The following LANCL3 variants were observed in gnomAD, a reference collection of about 807,000 sequenced individuals.
LANCL3 encodes LanC like family member 3, also known as lanC-like protein 3.
Under a neutral mutation model 26.5 loss-of-function variants are expected in LANCL3, and 19 were observed. The observed-to-expected ratio is 0.72, with a 90% CI of 0.50 to 1.05. The LOEUF (loss-of-function observed/expected upper bound fraction) is 1.05. LANCL3 is among the 50% of genes least tolerant of loss of function. The pLI is 0.00. For missense variants in LANCL3, 318 were observed against 362.7 expected (o/e 0.88, Z 1.00); for synonymous variants, 160 against 166.6 (o/e 0.96, Z 0.30).
At chrX:37,623,547 G>C (rs941525848) in intron 1 of LANCL3, among the ~76,000 whole-genome samples, 1 of 111,928 alleles carries the variant, frequency 8.9e-6, no homozygotes, top group Non-Finnish European at 1.9e-5. Flanking sequence ...TCTTTTAAAA[G>C]CATTGATTTT....
intron 1 of LANCL3, among the ~76,000 whole-genome samples, chrX:37,593,723 A>G (rs781938983): frequency 2.9e-4 from 33 of 112,048 alleles, no homozygotes; most frequent in Non-Finnish European, 4.1e-4. Context: ...GCCATTATTT[A>G]TACACAGTTT....
At chrX:37,629,991 T>G (rs1445360366) in intron 1 of LANCL3, among the ~76,000 whole-genome samples, 2 of 111,387 alleles carry the variant, frequency 1.8e-5, no homozygotes, top group Non-Finnish European at 3.8e-5. Context: ...GTGAAGAAAG[T>G]CATTGGTAGC....
intron 1 of LANCL3, among the ~76,000 whole-genome samples, chrX:37,649,427 A>G (rs1406065856): frequency 1.8e-5 from 2 of 110,323 alleles, no homozygotes; most frequent in South Asian, 4.0e-4. Context: ...ACACAGGGAG[A>G]GGAACAACAC....
chrX:37,588,183 C>T (rs1399886312), intron 1 of LANCL3, among the ~76,000 whole-genome samples: 1 of 111,664 alleles, frequency 9.0e-6, no homozygotes, highest in Non-Finnish European at 1.9e-5. Flanking sequence ...TACACTTTTG[C>T]TGGTTAATTT....
intron 1 of LANCL3, among the ~76,000 whole-genome samples, chrX:37,598,434 G>A (rs1485799971): frequency 8.9e-6 from 1 of 111,782 alleles, no homozygotes; most frequent in Non-Finnish European, 1.9e-5. Flanking sequence ...GTGTGCAACC[G>A]AGGTAGAGCA....
intron 1 of LANCL3, among the ~76,000 whole-genome samples, chrX:37,642,933 C>T (rs1053249747): frequency 1.8e-5 from 2 of 112,203 alleles, no homozygotes; most frequent in Non-Finnish European, 3.8e-5. Context: ...ACTATTCATC[C>T]CTATATTTCT....
intron 1 of LANCL3, among the ~76,000 whole-genome samples, chrX:37,587,965 G>T (rs1489445158): frequency 1.8e-5 from 2 of 112,331 alleles, no homozygotes; most frequent in Non-Finnish European, 3.8e-5. Context: ...TATTTAAAGA[G>T]AACATAGTTC....
chrX:37,587,166 CAG>C (rs1341869630), intron 1 of LANCL3, among the ~76,000 whole-genome samples: 1 of 112,551 alleles, frequency 8.9e-6, no homozygotes, highest in Non-Finnish European at 1.9e-5. Context: ...GGTTTCATCT[CAG>C]AGGGGTACCC....
intron 1 of LANCL3, among the ~76,000 whole-genome samples, chrX:37,639,741 G>C (rs782800969): frequency 9.0e-6 from 1 of 111,591 alleles, no homozygotes; most frequent in Admixed American, 9.5e-5. Flanking sequence ...AGCATCACAC[G>C]TGGAGCTTTT....
chrX:37,635,458 C>T (rs1423279303), intron 1 of LANCL3, among the ~76,000 whole-genome samples: 1 of 111,311 alleles, frequency 9.0e-6, no homozygotes, highest in East Asian at 2.8e-4. Context: ...AACATGTTCT[C>T]CCCCCAAATT....
intron 4 of LANCL3, 128 bp downstream of exon 4, chrX:37,667,617 G>T: frequency 2.3e-6 from 1 of 437,471 alleles, no homozygotes; most frequent in Non-Finnish European, 3.6e-6. Context: ...TTGTAGCCAT[G>T]CAGTTGACTT....
chrX:37,598,736 T>A (rs188513602), intron 1 of LANCL3, among the ~76,000 whole-genome samples: 1 of 112,590 alleles, frequency 8.9e-6, no homozygotes, highest in East Asian at 2.8e-4. Flanking sequence ...CAGTCCTGAA[T>A]CACTTCTTCC....
At chrX:37,671,435 C>A (rs5963220) in intron 4 of LANCL3, among the ~76,000 whole-genome samples, 18,731 of 110,877 alleles carry the variant, frequency 0.17, 1,126 homozygotes, top group South Asian at 0.19. Context: ...TAGATTATAA[C>A]ACTTCTCTGT....
chrX:37,635,906 C>A (rs1925693275), intron 1 of LANCL3, among the ~76,000 whole-genome samples: 1 of 110,465 alleles, frequency 9.1e-6, no homozygotes, highest in African/African-American at 3.3e-5. Context: ...TTTCATCACC[C>A]AGGTAATAAG....
chrX:37,617,632 C>T (rs1925044850), intron 1 of LANCL3, among the ~76,000 whole-genome samples: 1 of 111,812 alleles, frequency 8.9e-6, no homozygotes, highest in Admixed American at 9.5e-5. Context: ...CTTTCCATGA[C>T]TTCTAGTAAT....
intron 1 of LANCL3, among the ~76,000 whole-genome samples, chrX:37,643,756 G>A (rs1556426304): frequency 8.9e-6 from 1 of 111,788 alleles, no homozygotes; most frequent in East Asian, 2.8e-4. Context: ...TAGGAAGTAG[G>A]CAACAGCATG....
At chrX:37,629,164 A>G (rs1363979382) in intron 1 of LANCL3, among the ~76,000 whole-genome samples, 3 of 108,876 alleles carry the variant, frequency 2.8e-5, no homozygotes, top group African/African-American at 1.0e-4. Context: ...ATGGTATCTC[A>G]TTGTGGTTTT....
At chrX:37,668,697 C>T (rs1414376401) in intron 4 of LANCL3, among the ~76,000 whole-genome samples, 1 of 112,034 alleles carries the variant, frequency 8.9e-6, no homozygotes, top group Non-Finnish European at 1.9e-5. Context: ...TGAATCTGAG[C>T]TGTCACTTGG....
At chrX:37,668,877 A>G (rs1415797088) in intron 4 of LANCL3, among the ~76,000 whole-genome samples, 1 of 112,282 alleles carries the variant, frequency 8.9e-6, no homozygotes, top group Non-Finnish European at 1.9e-5. Flanking sequence ...AACCTTTAAC[A>G]AGTCACTTAG....
Sources: allele counts gnomAD v4.1 joint callset (sites outside exome capture counted in the v4.1 genomes callset), GRCh38; gene constraint gnomAD v4.1.1; transcripts MANE v1.5; gene names NCBI Gene and HGNC (gene_info 2026-07-23, HGNC 2026-07-21).